ANO2: variants seen among roughly 807,000 people sequenced by gnomAD.
ANO2 encodes anoctamin-2.
A neutral mutation model predicts 124.2 loss-of-function variants in ANO2; 101 were observed. The observed-to-expected ratio is 0.81, with a 90% CI of 0.69 to 0.96. The LOEUF is 0.96. Ranked by LOEUF, ANO2 falls within the 40% of genes least tolerant of loss-of-function variation. The pLI is 0.00. For synonymous variants in ANO2, 486 were observed against 482.5 expected (o/e 1.01, Z -0.09); for missense variants, 1,293 against 1,274.5 (o/e 1.01, Z -0.22).
intron 7 of ANO2, among the ~76,000 whole-genome samples, chr12:5,811,764 A>T (rs1198418851): frequency 6.6e-6 from 1 of 152,180 alleles, no homozygotes; most frequent in Non-Finnish European, 1.5e-5. Context: ...TTGATTAAGG[A>T]GGCATCATGA....
At chr12:5,870,691 T>A (rs1168887714) in intron 3 of ANO2, among the ~76,000 whole-genome samples, 3 of 152,214 alleles carry the variant, frequency 2.0e-5, no homozygotes, top group Non-Finnish European at 2.9e-5. Flanking sequence ...TCCTTAAAGG[T>A]CCCTCCCTTC....
At chr12:5,680,009 C>T (rs1470157224) in intron 14 of ANO2, among the ~76,000 whole-genome samples, 2 of 152,078 alleles carry the variant, frequency 1.3e-5, no homozygotes, top group Non-Finnish European at 2.9e-5. Flanking sequence ...GAGTTGGAAG[C>T]CATTATTCTC....
chr12:5,602,231 TAA>T (rs1275402373), intron 19 of ANO2, among the ~76,000 whole-genome samples: 2 of 150,856 alleles, frequency 1.3e-5, no homozygotes, highest in Non-Finnish European at 3.0e-5. Context: ...AAGAAAACAT[TAA>T]AAAATTAATT....
intron 24 of ANO2, among the ~76,000 whole-genome samples, chr12:5,564,114 T>G (rs961527376): frequency 2.0e-5 from 3 of 152,192 alleles, no homozygotes; most frequent in African/African-American, 7.2e-5. Flanking sequence ...GGGCCTTCAC[T>G]GACCCAACCC....
chr12:5,906,905 G>A (rs1002766476), intron 3 of ANO2, among the ~76,000 whole-genome samples: 2 of 152,202 alleles, frequency 1.3e-5, no homozygotes, highest in Non-Finnish European at 2.9e-5. Context: ...GGCAAGCATA[G>A]CTCTAGAAGG....
chr12:5,750,841 A>G lies in ANO2; in HGVS notation c.1185T>C (p.Ile395=). 1 of 1,610,258 alleles carries G rather than the reference A, an allele frequency of 6.2e-7. No individual in the cohort carries two copies. The highest frequency in any genetic ancestry group is 1.1e-5 in the South Asian group (1 of 89,562). The part of the protein sequence containing the change: ...LYGCATIEED[I]PSREMCDQQN... Reference sequence around the variant, plus strand: ...TTTCTTTAAAACTGATTTACCTGGGAATATCTTCTTCAATTGTTGCACATC... The same window carrying G: ...TTTCTTTAAAACTGATTTACCTGGGGATATCTTCTTCAATTGTTGCACATC... The change falls in exon 11 of 25, where the codon ATT becomes ATC. Residue 395 remains isoleucine (I), a synonymous_variant. Coordinates refer to ENST00000682330, the MANE Select transcript of ANO2 (RefSeq NM_001364791.2).
chr12:5,688,594 C>G (rs1751715866), intron 14 of ANO2, among the ~76,000 whole-genome samples: 1 of 152,142 alleles, frequency 6.6e-6, no homozygotes, highest in South Asian at 2.1e-4. Context: ...GAGCTGAGAC[C>G]CAAAAGGTGA....
intron 14 of ANO2, among the ~76,000 whole-genome samples, chr12:5,705,945 C>T (rs944585418): frequency 1.3e-5 from 2 of 152,148 alleles, no homozygotes; most frequent in Non-Finnish European, 2.9e-5. Context: ...AGCCCTGTGG[C>T]TTGGGAATGA....
At chr12:5,721,969 CAAAT>C (rs770110942) in intron 14 of ANO2, among the ~76,000 whole-genome samples, 23 of 152,300 alleles carry the variant, frequency 1.5e-4, no homozygotes, top group Admixed American at 1.1e-3. Flanking sequence ...TATGTCCTAA[CAAAT>C]TAATAGCCAT....
chr12:5,936,761 AACT>A (rs1331217238), intron 1 of ANO2, among the ~76,000 whole-genome samples: 2 of 152,226 alleles, frequency 1.3e-5, no homozygotes, highest in African/African-American at 4.8e-5. Flanking sequence ...TTATCAATTT[AACT>A]ACTACATTTA....
chr12:5,801,445 A>T (rs1208388185), intron 9 of ANO2, among the ~76,000 whole-genome samples: 2 of 152,224 alleles, frequency 1.3e-5, no homozygotes, highest in Admixed American at 1.3e-4. Context: ...CATCACACAC[A>T]TTTCACGAGG....
chr12:5,685,075 G>C (rs1353712227), intron 14 of ANO2, among the ~76,000 whole-genome samples: 1 of 152,188 alleles, frequency 6.6e-6, no homozygotes, highest in Non-Finnish European at 1.5e-5. Flanking sequence ...ACACAGCAGA[G>C]ACTCATGTGA....
intron 23 of ANO2, among the ~76,000 whole-genome samples, chr12:5,567,000 AAGAAG>A (rs1398598844): frequency 7.2e-5 from 11 of 152,208 alleles, no homozygotes; most frequent in Non-Finnish European, 1.0e-4. Flanking sequence ...GAGATGAGAG[AAGAAG>A]AGAAGAGAAA....
chr12:5,717,155 G>A (rs948481055), intron 14 of ANO2, among the ~76,000 whole-genome samples: 1 of 152,230 alleles, frequency 6.6e-6, no homozygotes, highest in African/African-American at 2.4e-5. Flanking sequence ...CTGACAGGGA[G>A]AAACAACAGG....
At chr12:5,813,032 G>A (rs1953482916) in intron 7 of ANO2, among the ~76,000 whole-genome samples, 1 of 140,814 alleles carries the variant, frequency 7.1e-6, no homozygotes, top group Admixed American at 7.3e-5. Context: ...AAAAAAGAAA[G>A]AGAAGAAACA....
intron 7 of ANO2, among the ~76,000 whole-genome samples, chr12:5,824,127 G>A (rs961701649): frequency 6.6e-6 from 1 of 152,180 alleles, no homozygotes; most frequent in Non-Finnish European, 1.5e-5. Flanking sequence ...CTGCTGTGAA[G>A]GTCCCTGACA....
intron 10 of ANO2, among the ~76,000 whole-genome samples, chr12:5,759,460 C>G (rs1163804004): frequency 6.6e-6 from 1 of 151,964 alleles, no homozygotes; most frequent in Non-Finnish European, 1.5e-5. Flanking sequence ...TGGTACCTGT[C>G]CATGTCCAGT....
At chr12:5,920,959 T>G in intron 3 of ANO2, 81 bp downstream of exon 3, 1 of 1,422,294 alleles carries the variant, frequency 7.0e-7, no homozygotes, top group Non-Finnish European at 9.5e-7. Context: ...CTAGGCTCTC[T>G]GTCAGGTGGC....
chr12:5,624,587 C>T (rs1437466104), intron 16 of ANO2, among the ~76,000 whole-genome samples: 5 of 152,168 alleles, frequency 3.3e-5, no homozygotes, highest in African/African-American at 7.2e-5. Context: ...AAACAACCCA[C>T]AGGAAATTCT....
Sources: allele counts gnomAD v4.1 joint callset (sites outside exome capture counted in the v4.1 genomes callset), GRCh38; gene constraint gnomAD v4.1.1; transcripts MANE v1.5; gene names NCBI Gene and HGNC (gene_info 2026-07-23, HGNC 2026-07-21).